HDAC4: variants seen among roughly 807,000 people sequenced by gnomAD.
HDAC4 encodes the protein histone deacetylase A.
HDAC4 carries 16 observed loss-of-function variants against 135.1 expected under a neutral mutation model. The ratio of observed to expected loss-of-function variants is 0.12; its 90% CI spans 0.08 to 0.18. The LOEUF is 0.18. Ranked by LOEUF, HDAC4 falls within the 10% of genes least tolerant of loss-of-function variation. HDAC4 has a pLI of 1.00. For missense variants in HDAC4, 1,143 were observed against 1,511.8 expected (o/e 0.76, Z 4.05); for synonymous variants, 685 against 653.4 (o/e 1.05, Z -0.74).
intron 12 of HDAC4, among the ~76,000 whole-genome samples, chr2:239,117,786 G>A (rs550113430): frequency 3.0e-4 from 46 of 152,280 alleles, no homozygotes; most frequent in African/African-American, 5.5e-4. Flanking sequence ...GGGCAGATTC[G>A]AGGGACGGTG....
intron 1 of HDAC4, among the ~76,000 whole-genome samples, chr2:239,362,845 G>T (rs1693945256): frequency 6.6e-6 from 1 of 152,130 alleles, no homozygotes; most frequent in East Asian, 1.9e-4. Context: ...AAAGCAAAAA[G>T]ATTACAAAGG....
At chr2:239,198,547 C>T (rs1006872839) in intron 3 of HDAC4, among the ~76,000 whole-genome samples, 2 of 152,186 alleles carry the variant, frequency 1.3e-5, no homozygotes, top group East Asian at 1.9e-4. Flanking sequence ...TGCTCCTGTC[C>T]CCATGCAGAG....
intron 5 of HDAC4, among the ~76,000 whole-genome samples, chr2:239,169,850 A>G (rs937832803): frequency 1.3e-5 from 2 of 152,150 alleles, no homozygotes; most frequent in African/African-American, 2.4e-5. Flanking sequence ...CCATGTCTGG[A>G]AGCGCTCCCC....
chr2:239,149,560 A>C (rs1184044052), intron 7 of HDAC4, among the ~76,000 whole-genome samples: 1 of 152,108 alleles, frequency 6.6e-6, no homozygotes. Flanking sequence ...AGCAACCTCC[A>C]TTCAGCACTG....
chr2:239,132,039 G>A lies in HDAC4; in HGVS notation c.1294+2206C>T, dbSNP rs572457293. ...TCCAAATGAGGGCCCTGCTCATGGC[G>A]GGGCTGGGGGAGGGCCCCTGAGACA... On this transcript the variant is annotated intron_variant, in intron 11 of 26. Transcript: ENST00000543185. Among the ~76,000 whole-genome samples the A allele has an allele frequency of 5.9e-5, 9 of 152,234 alleles. No homozygotes were observed. The East Asian group carries it at 7.8e-4, about 13-fold the overall frequency.
chr2:239,090,135 A>G lies in HDAC4; in HGVS notation c.2281-19T>C. On this transcript the variant is annotated intron_variant, in intron 17 of 26. Coordinates refer to ENST00000543185, the MANE Select transcript of HDAC4 (RefSeq NM_001378414.1). ...TGTCCACCTGTGGAAACAACACCCCACAGTGAGGTCACCCTCCCAGGCCAC... is the reference window on the plus strand; with the variant it reads ...TGTCCACCTGTGGAAACAACACCCCGCAGTGAGGTCACCCTCCCAGGCCAC... 6.4e-7 allele frequency: 1 copy of G among 1,566,748 alleles called. No homozygotes were observed. Among genetic ancestry groups the G allele is most frequent in the Non-Finnish European group, 8.8e-7 (1 of 1,137,458 alleles).
chr2:239,340,997 C>G (rs1692262937), intron 2 of HDAC4, among the ~76,000 whole-genome samples: 1 of 152,208 alleles, frequency 6.6e-6, no homozygotes, highest in Non-Finnish European at 1.5e-5. Flanking sequence ...TCAGAGCCAC[C>G]ATTACCATCA....
intron 1 of HDAC4, among the ~76,000 whole-genome samples, chr2:239,389,794 C>G (rs1272441918): frequency 6.6e-6 from 1 of 152,194 alleles, no homozygotes; most frequent in East Asian, 1.9e-4. Context: ...TCAGTGAATT[C>G]CATACCAGGG....
At chr2:239,054,950 G>A in intron 24 of HDAC4, 117 bp from the exon 25 acceptor site, 1 of 776,402 alleles carries the variant, frequency 1.3e-6, no homozygotes, top group South Asian at 1.4e-5. Context: ...GGGTGCATTT[G>A]CCCACAGAGT....
chr2:239,119,132 C>T (rs935796352), intron 12 of HDAC4, among the ~76,000 whole-genome samples: 28 of 152,272 alleles, frequency 1.8e-4, no homozygotes, highest in Non-Finnish European at 2.9e-4. Flanking sequence ...CCCCAGGGCC[C>T]GGTGCAGTCT....
intron 19 of HDAC4, among the ~76,000 whole-genome samples, chr2:239,085,137 T>G (rs990905174): frequency 1.3e-5 from 2 of 151,900 alleles, no homozygotes; most frequent in African/African-American, 4.8e-5. Flanking sequence ...GTTACCAACA[T>G]TTCCCTCATC....
At chr2:239,129,145 T>C (rs1307640626) in intron 11 of HDAC4, among the ~76,000 whole-genome samples, 1 of 152,120 alleles carries the variant, frequency 6.6e-6, no homozygotes, top group East Asian at 1.9e-4. Flanking sequence ...TCTCAGCCTA[T>C]CTCGCCCACT....
rs566415539 is a variant in HDAC4, at chr2:239,309,521, C to T, written c.22+43157G>A. On this transcript the variant is annotated intron_variant, in intron 2 of 26. Transcript: ENST00000543185. This position sits in a 1 kb window ranked among gnomAD's most constrained non-coding sequence, Gnocchi z 4.2. Reference sequence around the variant, plus strand: ...TGCTTCCTTCCTCTCACTCCACATCCGAGTTAGAGGGAAATACGATTTATC... The same window carrying T: ...TGCTTCCTTCCTCTCACTCCACATCTGAGTTAGAGGGAAATACGATTTATC... 5.3e-5 allele frequency among the ~76,000 whole-genome samples: 8 copies of T among 152,366 alleles called. No homozygotes were observed. The highest frequency in any genetic ancestry group is 7.2e-5 in the African/African-American group (3 of 41,598).
At chr2:239,168,252 C>A (rs912259549) in intron 5 of HDAC4, among the ~76,000 whole-genome samples, 1 of 152,182 alleles carries the variant, frequency 6.6e-6, no homozygotes, top group Non-Finnish European at 1.5e-5. Context: ...GCGTGTGGAC[C>A]GCAGTGAGAG....
intron 11 of HDAC4, among the ~76,000 whole-genome samples, chr2:239,128,506 C>G (rs986925294): frequency 6.7e-6 from 1 of 149,796 alleles, no homozygotes; most frequent in Non-Finnish European, 1.5e-5. Flanking sequence ...TCAGCCTGGG[C>G]GACAAACGAG....
At chr2:239,201,058 T>C (rs1262879496) in intron 3 of HDAC4, among the ~76,000 whole-genome samples, 1 of 152,164 alleles carries the variant, frequency 6.6e-6, no homozygotes, top group Non-Finnish European at 1.5e-5. Flanking sequence ...CCACGGCCTT[T>C]AGTGCTGATG....
At chr2:239,082,462 C>G (rs1464553234) in intron 20 of HDAC4, among the ~76,000 whole-genome samples, 1 of 152,248 alleles carries the variant, frequency 6.6e-6, no homozygotes, top group Non-Finnish European at 1.5e-5. Context: ...CACTGTTTCC[C>G]TCGCCCTTAG....
intron 3 of HDAC4, among the ~76,000 whole-genome samples, chr2:239,218,021 G>T (rs930638070): frequency 2.6e-5 from 4 of 152,190 alleles, no homozygotes; most frequent in Non-Finnish European, 4.4e-5. Context: ...GAGCCTGGGA[G>T]GTAGAGGCTG....
At chr2:239,065,622 C>T (rs2033372245) in intron 24 of HDAC4, among the ~76,000 whole-genome samples, 1 of 152,202 alleles carries the variant, frequency 6.6e-6, no homozygotes. Flanking sequence ...GACTGCCGGG[C>T]TGGGGAGGGC....
Sources: allele counts gnomAD v4.1 joint callset (sites outside exome capture counted in the v4.1 genomes callset), GRCh38; gene constraint gnomAD v4.1.1; non-coding constraint Gnocchi (gnomAD v3.1); transcripts MANE v1.5; gene names NCBI Gene and HGNC (gene_info 2026-07-23, HGNC 2026-07-21).